Variants in SLC39A8 observed in about 807,000 individuals in gnomAD.
SLC39A8 encodes the protein metal cation symporter ZIP8.
Under a neutral mutation model 40.4 loss-of-function variants are expected in SLC39A8, and 15 were observed. That is an observed-to-expected ratio of 0.37 (90% confidence interval 0.25 to 0.57). The LOEUF (loss-of-function observed/expected upper bound fraction) is 0.57. SLC39A8 is among the 20% of genes least tolerant of loss of function. The probability of loss-of-function intolerance (pLI) is 0.75; values close to 1 mark genes in which losing one functional copy is unlikely to be tolerated. For synonymous variants in SLC39A8, 223 were observed against 221.6 expected, an observed-to-expected ratio of 1.01 and a Z score of -0.06; for missense variants, 472 against 558.8, an observed-to-expected ratio of 0.84 and a Z score of 1.57.
intron 2 of SLC39A8, among the ~76,000 whole-genome samples, chr4:102,338,404 T>C (rs62329460): frequency 0.13 from 20,028 of 152,042 alleles, 1,590 homozygotes; most frequent in South Asian, 0.28. Context: ...ACCAGGATGG[T>C]CTCGATCTCC....
At chr4:102,314,417 T>C (rs1734571056) in intron 3 of SLC39A8, among the ~76,000 whole-genome samples, 1 of 152,096 alleles carries the variant, frequency 6.6e-6, no homozygotes, top group South Asian at 2.1e-4. Context: ...AGCATTCCCC[T>C]GTTTAGAATG....
exon 12 of SLC39A8, chr4:102,253,204 CA>C (rs1445170566): frequency 2.5e-6 from 1 of 400,220 alleles, no homozygotes; most frequent in Non-Finnish European, 4.4e-6. Context: ...AGAAACAAAA[CA>C]GTAGCAAAAT....
At chr4:102,338,411 C>T (rs1471844774) in intron 2 of SLC39A8, among the ~76,000 whole-genome samples, 2 of 152,132 alleles carry the variant, frequency 1.3e-5, no homozygotes, top group East Asian at 3.9e-4. Flanking sequence ...TGGTCTCGAT[C>T]TCCTGACCTT....
chr4:102,306,244 C>T (rs1193049907), intron 4 of SLC39A8, among the ~76,000 whole-genome samples: 1 of 151,740 alleles, frequency 6.6e-6, no homozygotes, highest in East Asian at 1.9e-4. Flanking sequence ...GTTTAATTTA[C>T]TTTGACCCAT....
intron 6 of SLC39A8, among the ~76,000 whole-genome samples, chr4:102,291,646 C>T (rs1481807226): frequency 6.6e-6 from 1 of 151,722 alleles, no homozygotes; most frequent in African/African-American, 2.4e-5. Context: ...TCCACTCTGG[C>T]CCCTGGTCAT....
chr4:102,301,768 TA>T (rs1471970530), intron 6 of SLC39A8, among the ~76,000 whole-genome samples: 1 of 152,072 alleles, frequency 6.6e-6, no homozygotes, highest in Non-Finnish European at 1.5e-5. Context: ...TAGCTAATCC[TA>T]AATCAGGAGC....
At chr4:102,335,201 C>G (rs1735615319) in intron 2 of SLC39A8, among the ~76,000 whole-genome samples, 1 of 152,114 alleles carries the variant, frequency 6.6e-6, no homozygotes, top group African/African-American at 2.4e-5. Flanking sequence ...ACTCTATTAC[C>G]TGGTACCATC....
intron 6 of SLC39A8, among the ~76,000 whole-genome samples, chr4:102,284,042 T>C (rs941777194): frequency 2.6e-5 from 4 of 152,230 alleles, no homozygotes; most frequent in Admixed American, 2.0e-4. Flanking sequence ...CACACTAACA[T>C]AGTGACCCAG....
At chr4:102,315,453 T>C (rs1734612691) in intron 3 of SLC39A8, among the ~76,000 whole-genome samples, 1 of 152,000 alleles carries the variant, frequency 6.6e-6, no homozygotes, top group African/African-American at 2.4e-5. Flanking sequence ...GTACTAAATG[T>C]AATTTTGATT....
At chr4:102,323,999 C>T (rs1392326327) in intron 2 of SLC39A8, among the ~76,000 whole-genome samples, 17 of 152,166 alleles carry the variant, frequency 1.1e-4, no homozygotes, top group Non-Finnish European at 2.5e-4. Context: ...ACTTAATGGA[C>T]ACAATATGTA....
At chr4:102,269,436 A>C (rs1164782735) in intron 6 of SLC39A8, among the ~76,000 whole-genome samples, 1 of 152,236 alleles carries the variant, frequency 6.6e-6, no homozygotes, top group Non-Finnish European at 1.5e-5. Flanking sequence ...GGAAACTGTT[A>C]GTAATAGGAT....
At position 102,329,427 on chromosome 4, in the gene SLC39A8, A is replaced by G. The variant is rs182306571; in HGVS notation, c.220-13597T>C. On this transcript the variant is annotated intron_variant, in intron 2 of 8. Coordinates refer to ENST00000356736, the MANE Select transcript of SLC39A8 (RefSeq NM_001135146.2). ...CACCTGATGTCAAGAGTTCAAGACC[A>G]GCCTGACCAATATGGTGAAACCCTG... Among the ~76,000 whole-genome samples the G allele has an allele frequency of 1.2e-3, 189 of 152,120 alleles. 2 individuals are homozygous for G. Among genetic ancestry groups the G allele is most frequent in the African/African-American group, 4.3e-3 (177 of 41,504 alleles).
intron 6 of SLC39A8, among the ~76,000 whole-genome samples, chr4:102,277,662 G>C (rs115510548): frequency 0.11 from 15,971 of 152,042 alleles, 987 homozygotes; most frequent in South Asian, 0.15. Context: ...AACCAAAAAA[G>C]AGCCTGTATA....
intron 6 of SLC39A8, among the ~76,000 whole-genome samples, chr4:102,297,804 G>T (rs904988079): frequency 6.6e-6 from 1 of 152,036 alleles, no homozygotes; most frequent in African/African-American, 2.4e-5. Context: ...TGCAGTCTCA[G>T]CTACTTGGGA....
intron 6 of SLC39A8, among the ~76,000 whole-genome samples, chr4:102,268,355 C>T (rs1732199150): frequency 6.6e-6 from 1 of 152,188 alleles, no homozygotes; most frequent in African/African-American, 2.4e-5. Context: ...TAAACTTCTT[C>T]CTACTGCCTT....
In SLC39A8 at chr4:102,339,660, G is replaced by T. The variant is rs370650478; in HGVS notation, c.219+4784C>A. Among the ~76,000 whole-genome samples the T allele has an allele frequency of 9.9e-5, 15 of 152,100 alleles. No homozygotes were observed. In the South Asian group the frequency reaches 3.1e-3, roughly 32 times the overall value. On this transcript the variant is annotated intron_variant, in intron 2 of 8. Coordinates refer to ENST00000356736, the MANE Select transcript of SLC39A8 (RefSeq NM_001135146.2). ...TTGAAATAGAAAAGGCTTATCTTTGGGGCCTTTTGCATACTCTTCAGCCAT... is the reference window on the plus strand; with the variant it reads ...TTGAAATAGAAAAGGCTTATCTTTGTGGCCTTTTGCATACTCTTCAGCCAT...
At chr4:102,311,510 A>G (rs1355245040) in intron 3 of SLC39A8, among the ~76,000 whole-genome samples, 1 of 152,122 alleles carries the variant, frequency 6.6e-6, no homozygotes, top group African/African-American at 2.4e-5. Context: ...GTTGTATTAC[A>G]GAGTTGGACA....
chr4:102,316,682 T>C (rs190435807), intron 2 of SLC39A8, among the ~76,000 whole-genome samples: 1 of 152,296 alleles, frequency 6.6e-6, no homozygotes, highest in East Asian at 1.9e-4. Flanking sequence ...ATAAACGTAA[T>C]TTAGGCAAGT....
intron 6 of SLC39A8, among the ~76,000 whole-genome samples, chr4:102,284,129 G>T (rs1733041943): frequency 1.3e-5 from 2 of 152,270 alleles, no homozygotes; most frequent in Non-Finnish European, 1.5e-5. Context: ...ATAAATGTAT[G>T]GGGTACAACT....
Sources: gnomAD v4.1 joint callset for allele counts (sites outside exome capture counted in the v4.1 genomes callset) on GRCh38, gnomAD v4.1.1 for gene constraint, MANE v1.5 for transcripts, NCBI Gene and HGNC (gene_info 2026-07-23, HGNC 2026-07-21) for gene names.